The following HNRNPU variants were observed in gnomAD, a reference collection of about 807,000 sequenced individuals.
HNRNPU encodes the protein heterogeneous nuclear ribonucleoprotein U, also known as HNRNPU antisense RNA 1.
In HNRNPU, 5 loss-of-function variants were observed where a neutral mutation model predicts 94.7. The ratio of observed to expected loss-of-function variants is 0.05; its 90% CI spans 0.03 to 0.11. HNRNPU has a LOEUF of 0.11. Among genes scored for constraint, HNRNPU ranks in the 10% least tolerant of loss-of-function variants. HNRNPU has a pLI of 1.00. For synonymous variants in HNRNPU, 434 were observed against 381.6 expected (o/e 1.14, Z -1.60); for missense variants, 710 against 1,049.2 (o/e 0.68, Z 4.47).
rs1680721261 is a variant in HNRNPU, at chr1:244,857,854, G to A, written c.1495-137C>T. The A allele has an allele frequency of 6.0e-6, 8 of 1,334,602 alleles. No individual in the cohort carries two copies. In the South Asian group the frequency reaches 1.1e-4, roughly 19 times the overall value. The allele number at this position is 1,334,602 out of a possible 1,614,324, so 82.7% of individuals were successfully genotyped here. A position where few individuals can be genotyped will look rare whatever the true frequency, so the allele number is the denominator to read the frequency against. ...ACGGACAAAAATTTGTTTATGGAAA[G>A]ATTAACAGTCAACATAAGGGGGAAA... On this transcript the variant is annotated intron_variant, in intron 7 of 13. Coordinates refer to ENST00000640218, the MANE Select transcript of HNRNPU (RefSeq NM_031844.3).
At chr1:244,863,420 A>ACACACACACACGCG (rs555181156) in intron 1 of HNRNPU, among the ~76,000 whole-genome samples, 197 bp downstream of exon 1, 1 of 138,796 alleles carries the variant, frequency 7.2e-6, no homozygotes, top group South Asian at 2.3e-4. Flanking sequence ...ACACACACAC[A>ACACACACACACGCG]CGCGCGCGCG....
Position 244,853,790 on chromosome 1 carries a change from T to C in HNRNPU, c.*660A>G, listed in dbSNP as rs1680605689. 1 of 152,776 alleles carries C rather than the reference T, an allele frequency of 6.5e-6. No homozygotes were observed. The highest frequency in any genetic ancestry group is 2.4e-5 in the African/African-American group (1 of 41,460). The allele number at this position is 152,776 out of a possible 1,614,324, so 9.5% of individuals were successfully genotyped here. ...CCTCCACAAATAATGCAACCAAGTTTTACATTTTTAACAGCCCTTCTACAT... is the reference window on the plus strand; with the variant it reads ...CCTCCACAAATAATGCAACCAAGTTCTACATTTTTAACAGCCCTTCTACAT... On this transcript the variant is annotated 3_prime_UTR_variant, in exon 14 of 14. Coordinates refer to ENST00000640218, the MANE Select transcript of HNRNPU (RefSeq NM_031844.3).
At position 244,858,798 on chromosome 1, in the gene HNRNPU, T is replaced by C. The variant is rs778615454; in HGVS notation, c.1161A>G (p.Lys387=). The C allele has an allele frequency of 1.9e-6, 3 of 1,584,180 alleles. No individual in the cohort carries two copies. In the South Asian group the frequency reaches 3.3e-5, roughly 18 times the overall value. The change falls in exon 6 of 14, where the codon AAA becomes AAG. Residue 387 remains lysine (K), a synonymous_variant. Transcript: ENST00000640218. The stretch of plus-strand genomic sequence containing the variant: ...AATCTTCAGTCTCACAGTTGCATGT[T>C]TTTATTCCTTTTAGAGAATACCCAT... ...FSYGYSLKGI[K]TCNCETEDYG... is the part of the protein sequence containing the mutation.
At position 244,853,185 on chromosome 1, in the gene HNRNPU, T is replaced by G. The variant is rs1261176393; in HGVS notation, c.*1265A>C. 1 of 152,364 alleles carries G rather than the reference T, an allele frequency of 6.6e-6. No homozygotes were observed. The highest frequency in any genetic ancestry group is 1.5e-5 in the Non-Finnish European group (1 of 67,946). 9.4% of individuals were successfully genotyped at this position (152,364 alleles called of 1,614,324 possible). ...CTCATTAAATATGTTAAAAGTTGTC[T>G]GGGGGGGAGGGGAAGGGAAGAATTC... On this transcript the variant is annotated 3_prime_UTR_variant, in exon 14 of 14. Transcript: ENST00000640218.
In HNRNPU at chr1:244,855,889, TC is replaced by T; in HGVS notation, c.2167+14del. 2 of 1,612,820 alleles carry T rather than the reference TC, an allele frequency of 1.2e-6. No individual in the cohort carries two copies. The highest frequency in any genetic ancestry group is 2.7e-5 in the African/African-American group (2 of 74,894). ...CGATCCTGAACTAAATACAGAACACTCAAAATTAACTTGCCTCCTCCTCTGA... is the reference window on the plus strand; with the variant it reads ...CGATCCTGAACTAAATACAGAACACTAAAATTAACTTGCCTCCTCCTCTGA... On this transcript the variant is annotated intron_variant, in intron 11 of 13. Transcript: ENST00000640218.
rs1007562613 is a variant in HNRNPU, at chr1:244,853,036, G to C, written c.*1414C>G. ...CTGGCTTGCATGATGGCTTCTAAAA[G>C]CATCTGATCCCAGAGTTTCATGTAT... On this transcript the variant is annotated 3_prime_UTR_variant, in exon 14 of 14. Transcript: ENST00000640218. 2 of 152,520 alleles carry C rather than the reference G, an allele frequency of 1.3e-5. No individual in the cohort carries two copies. The highest frequency in any genetic ancestry group is 4.8e-5 in the African/African-American group (2 of 41,406). 9.4% of individuals were successfully genotyped at this position (152,520 alleles called of 1,614,324 possible).
At chr1:244,854,867 C>A in intron 13 of HNRNPU, 106 bp downstream of exon 13, 1 of 936,698 alleles carries the variant, frequency 1.1e-6, no homozygotes, top group Non-Finnish European at 1.7e-6. Flanking sequence ...ACCCTATTAA[C>A]ACTTATAAAC....
rs1680608217 is a variant in HNRNPU, at chr1:244,853,839, T to C, written c.*611A>G. On this transcript the variant is annotated 3_prime_UTR_variant, in exon 14 of 14. Transcript: ENST00000640218. Reference sequence around the variant, plus strand: ...ATACACTCCATCTTCTCTATCTTAGTTCCAAGTTTTAGTTTTCAATCCCAA... The same window carrying C: ...ATACACTCCATCTTCTCTATCTTAGCTCCAAGTTTTAGTTTTCAATCCCAA... 6.5e-6 allele frequency: 1 copy of C among 152,778 alleles called. No individual in the cohort carries two copies. The highest frequency in any genetic ancestry group is 1.5e-5 in the Non-Finnish European group (1 of 68,042). 9.5% of individuals were successfully genotyped at this position (152,778 alleles called of 1,614,324 possible). A position where few individuals can be genotyped will look rare whatever the true frequency, so the allele number is the denominator to read the frequency against.
Position 244,864,163 on chromosome 1 carries a change from C to G in HNRNPU, c.145G>C (p.Gly49Arg), listed in dbSNP as rs775281977. ...TTCCCGGGCTCCATGGCGGGGCGGCCCCCGGCCTCCTCGTCGTCCAGCGCA... is the reference window on the plus strand; with the variant it reads ...TTCCCGGGCTCCATGGCGGGGCGGCGCCCGGCCTCCTCGTCGTCCAGCGCA... ...QAALDDEEAG[G>R]RPAMEPGNGS... The change falls in exon 1 of 14, where the codon GGC becomes CGC. Residue 49 changes from glycine (G) to arginine (R), a missense_variant. Physicochemically the swap from Gly to Arg is moderately radical, Grantham distance 125 (BLOSUM62 -2). Coordinates refer to ENST00000640218, the MANE Select transcript of HNRNPU (RefSeq NM_031844.3). The G allele has an allele frequency of 6.2e-7, 1 of 1,605,168 alleles. No homozygotes were observed. Among genetic ancestry groups the G allele is most frequent in the Admixed American group, 1.7e-5 (1 of 58,864 alleles).
chr1:244,864,518 G>T lies in HNRNPU; in HGVS notation c.-211C>A. On this transcript the variant is annotated 5_prime_UTR_variant, in exon 1 of 14. Transcript: ENST00000640218. ...GCGAGGGAGACGCGGAGACTCGCCTGGCGCGAGCGAGCACGCAACGTCCTC... is the reference window on the plus strand; with the variant it reads ...GCGAGGGAGACGCGGAGACTCGCCTTGCGCGAGCGAGCACGCAACGTCCTC... The T allele has an allele frequency of 2.6e-6, 2 of 779,928 alleles. No individual in the cohort carries two copies. The highest frequency in any genetic ancestry group is 4.0e-5 in the South Asian group (2 of 49,628). 48.3% of individuals were successfully genotyped at this position (779,928 alleles called of 1,614,324 possible).
chr1:244,857,016 G>A (rs1015009485), intron 8 of HNRNPU, 160 bp from the exon 9 acceptor site: 12 of 604,420 alleles, frequency 2.0e-5, no homozygotes, highest in Non-Finnish European at 3.4e-5. Context: ...CTTAAACTAT[G>A]TAACAAGACC....
Position 244,863,610 on chromosome 1 carries a change from C to T in HNRNPU, c.691+7G>A. 3 of 1,507,508 alleles carry T rather than the reference C, an allele frequency of 2.0e-6. No individual in the cohort carries two copies. Among genetic ancestry groups the T allele is most frequent in the Non-Finnish European group, 2.6e-6 (3 of 1,143,262 alleles). The allele number at this position is 1,507,508 out of a possible 1,614,324, so 93.4% of individuals were successfully genotyped here. ...CCGCCGCGCGCAACGTACAACGCAG[C>T]ACTCACCCGCCGCCGGAGCCCCGGG... On this transcript the variant is annotated splice_region_variant and intron_variant, in intron 1 of 13. Transcript: ENST00000640218.
intron 3 of HNRNPU, chr1:244,861,969 G>A (rs1308934352): frequency 1.3e-5 from 2 of 153,072 alleles, no homozygotes; most frequent in Admixed American, 6.5e-5. Context: ...AGCAGCTACT[G>A]AACTGGAATT....
Position 244,864,004 on chromosome 1 carries a change from C to A in HNRNPU, c.304G>T (p.Asp102Tyr). ...EEEGISALDG[D>Y]QMELGEENGA... is the part of the protein sequence containing the mutation. ...TTCTCCTCTCCTAGCTCCATCTGGT[C>A]GCCGTCCAGAGCGGAGATTCCTTCC... The change falls in exon 1 of 14, where the codon GAC becomes TAC. Residue 102 changes from aspartate (D) to tyrosine (Y), a missense_variant. Physicochemically the swap from Asp to Tyr is radical, Grantham distance 160. Transcript: ENST00000640218. 6.2e-7 allele frequency: 1 copy of A among 1,613,602 alleles called. No homozygotes were observed. Among genetic ancestry groups the A allele is most frequent in the Non-Finnish European group, 8.5e-7 (1 of 1,179,896 alleles).
chr1:244,863,605 C>T lies in HNRNPU; in HGVS notation c.691+12G>A. On this transcript the variant is annotated intron_variant, in intron 1 of 13. Coordinates refer to ENST00000640218, the MANE Select transcript of HNRNPU (RefSeq NM_031844.3). ...GCCTCCCGCCGCGCGCAACGTACAA[C>T]GCAGCACTCACCCGCCGCCGGAGCC... 2.7e-6 allele frequency: 4 copies of T among 1,498,920 alleles called. No individual in the cohort carries two copies. 92.9% of individuals were successfully genotyped at this position (1,498,920 alleles called of 1,614,324 possible). A position where few individuals can be genotyped will look rare whatever the true frequency, so the allele number is the denominator to read the frequency against.
Position 244,862,482 on chromosome 1 carries a change from T to A in HNRNPU, c.856A>T (p.Thr286Ser). The A allele has an allele frequency of 6.2e-7, 1 of 1,613,228 alleles. No homozygotes were observed. Among genetic ancestry groups the A allele is most frequent in the Non-Finnish European group, 8.5e-7 (1 of 1,179,636 alleles). Residue 286 changes from threonine (T) to serine (S), a missense_variant, in exon 3 of 14, where the codon ACA becomes TCA. By Grantham distance (58) the Thr-to-Ser change is moderately conservative. Around this residue, in one of 8 missense-constraint regions of HNRNPU, gnomAD observed 22 missense variants for 16.7 expected, o/e 1.32. Transcript: ENST00000640218. Reference sequence around the variant, plus strand: ...TTACAAGTATCAAGACAAACCACTGTGTCATCGAAGTGTTCATCTTCTTCT... The same window carrying A: ...TTACAAGTATCAAGACAAACCACTGAGTCATCGAAGTGTTCATCTTCTTCT... ...VEEEDEHFDD[T>S]VVCLDTYNCD...
rs1397527047 is a variant in HNRNPU, at chr1:244,851,309, C to T, written c.*3141G>A. 3 of 152,198 alleles carry T rather than the reference C, an allele frequency of 2.0e-5. No individual in the cohort carries two copies. The highest frequency in any genetic ancestry group is 4.4e-5 in the Non-Finnish European group (3 of 68,034). 9.4% of individuals were successfully genotyped at this position (152,198 alleles called of 1,614,324 possible). On this transcript the variant is annotated 3_prime_UTR_variant, in exon 14 of 14. Coordinates refer to ENST00000640218, the MANE Select transcript of HNRNPU (RefSeq NM_031844.3). The stretch of plus-strand genomic sequence containing the variant: ...CAATTATTTATATCCAAGATGTCTA[C>T]ACCACTGCCTAAGAAGCTATTAAAA...
intron 3 of HNRNPU, chr1:244,861,761 A>C (rs1337222696): frequency 6.7e-6 from 1 of 150,072 alleles, no homozygotes; most frequent in Non-Finnish European, 1.5e-5. Flanking sequence ...AAAAAAAAAA[A>C]ACAAGTCTGA....
In HNRNPU at chr1:244,862,782, C is replaced by T. The variant is rs1303554472; in HGVS notation, c.692-52G>A. On this transcript the variant is annotated intron_variant, in intron 1 of 13. Coordinates refer to ENST00000640218, the MANE Select transcript of HNRNPU (RefSeq NM_031844.3). ...GCCAAGCCTCTAAACAACAAAAAAA[C>T]GCTTTTCCGTTCCGAGAACCAAAGC... The T allele has an allele frequency of 2.9e-6, 4 of 1,385,814 alleles. No homozygotes were observed. The African/African-American group carries it at 5.7e-5, about 20-fold the overall frequency. 85.8% of individuals were successfully genotyped at this position (1,385,814 alleles called of 1,614,324 possible).
Sources: allele counts gnomAD v4.1 joint callset (sites outside exome capture counted in the v4.1 genomes callset), GRCh38; gene constraint gnomAD v4.1.1; regional missense constraint gnomAD v4.1.1; transcripts MANE v1.5; gene names NCBI Gene and HGNC (gene_info 2026-07-23, HGNC 2026-07-21).